The following LDB2 variants were observed in gnomAD, a reference collection of about 807,000 sequenced individuals.
LDB2 encodes the protein LIM domain-binding protein 2.
A neutral mutation model predicts 44.3 loss-of-function variants in LDB2; 12 were observed. The ratio of observed to expected loss-of-function variants is 0.27; its 90% CI spans 0.17 to 0.44. The LOEUF (loss-of-function observed/expected upper bound fraction) is 0.44, where lower values mean the gene tolerates loss of function less well. Ranked by LOEUF, LDB2 falls within the 20% of genes least tolerant of loss-of-function variation. The probability of loss-of-function intolerance (pLI) is 1.00; values close to 1 mark genes in which losing one functional copy is unlikely to be tolerated. For missense variants in LDB2, 344 were observed against 473.5 expected (o/e 0.73, Z 2.54); for synonymous variants, 164 against 174.8 (o/e 0.94, Z 0.49).
intron 1 of LDB2, among the ~76,000 whole-genome samples, chr4:16,774,720 C>A (rs954336372): frequency 6.6e-6 from 1 of 152,004 alleles, no homozygotes; most frequent in Non-Finnish European, 1.5e-5. Context: ...TATAATCTGG[C>A]CTCAGAACTC....
intron 2 of LDB2, among the ~76,000 whole-genome samples, chr4:16,722,779 T>C (rs1389250433): frequency 6.6e-6 from 1 of 152,140 alleles, no homozygotes; most frequent in African/African-American, 2.4e-5. Context: ...TATTTGTTTA[T>C]AAGAGGACAG....
intron 2 of LDB2, among the ~76,000 whole-genome samples, chr4:16,615,834 TG>T (rs1478450221): frequency 1.3e-5 from 2 of 151,998 alleles, no homozygotes; most frequent in Admixed American, 1.3e-4. Context: ...CTGCCAGGAG[TG>T]GGCCATGGGG....
intron 5 of LDB2, among the ~76,000 whole-genome samples, chr4:16,535,898 G>T (rs968726035): frequency 6.6e-6 from 1 of 152,170 alleles, no homozygotes. Context: ...TTGAACTTGT[G>T]TAAAAGGAAT....
chr4:16,648,287 C>T (rs762650440), intron 2 of LDB2, among the ~76,000 whole-genome samples: 1 of 152,110 alleles, frequency 6.6e-6, no homozygotes, highest in Admixed American at 6.5e-5. Context: ...CTTTGCACTC[C>T]GTCATCATAA....
chr4:16,737,447 T>A (rs1312712432), intron 2 of LDB2, among the ~76,000 whole-genome samples: 2 of 152,158 alleles, frequency 1.3e-5, no homozygotes, highest in Non-Finnish European at 2.9e-5. Flanking sequence ...TTTTGTGAAT[T>A]TATTCTAATA....
intron 2 of LDB2, among the ~76,000 whole-genome samples, chr4:16,724,110 C>G (rs1758919290): frequency 6.6e-6 from 1 of 152,000 alleles, no homozygotes; most frequent in Non-Finnish European, 1.5e-5. Flanking sequence ...TATTGTCATA[C>G]AAATATAGAA....
intron 2 of LDB2, among the ~76,000 whole-genome samples, chr4:16,713,749 C>A (rs1319673378): frequency 6.6e-6 from 1 of 152,206 alleles, no homozygotes; most frequent in African/African-American, 2.4e-5. Context: ...ATTTCATAGG[C>A]TGCCCTGGAA....
chr4:16,576,070 A>G (rs1748174426), intron 5 of LDB2, among the ~76,000 whole-genome samples: 1 of 152,216 alleles, frequency 6.6e-6, no homozygotes, highest in South Asian at 2.1e-4. Flanking sequence ...CATAACATAC[A>G]AAACCTATGG....
chr4:16,897,951 T>C (rs1238081245), intron 1 of LDB2, among the ~76,000 whole-genome samples: 20 of 38,552 alleles, frequency 5.2e-4, no homozygotes, highest in African/African-American at 2.7e-3. Context: ...CATATGTATA[T>C]ATATATATAT....
At chr4:16,700,751 G>A (rs1028737649) in intron 2 of LDB2, among the ~76,000 whole-genome samples, 16 of 152,176 alleles carry the variant, frequency 1.1e-4, no homozygotes, top group African/African-American at 3.9e-4. Context: ...GTGAGTGAAA[G>A]TGATCACCGC....
intron 1 of LDB2, among the ~76,000 whole-genome samples, chr4:16,766,847 C>G (rs1275974035): frequency 6.6e-6 from 1 of 152,104 alleles, no homozygotes; most frequent in Non-Finnish European, 1.5e-5. Context: ...AAGCTACATA[C>G]TAATGCACTG....
chr4:16,860,409 T>C (rs546281387), intron 1 of LDB2, among the ~76,000 whole-genome samples: 25 of 152,278 alleles, frequency 1.6e-4, no homozygotes, highest in African/African-American at 6.0e-4. Context: ...AGAGCAGATG[T>C]GCAATCTTCT....
chr4:16,736,103 C>T (rs1271518470), intron 2 of LDB2, among the ~76,000 whole-genome samples: 8 of 152,196 alleles, frequency 5.3e-5, no homozygotes, highest in Admixed American at 4.6e-4. Context: ...TCCTACACTC[C>T]TTCCCACCTC....
intron 5 of LDB2, among the ~76,000 whole-genome samples, chr4:16,553,544 GTTGT>G (rs759162982): frequency 7.4e-4 from 112 of 152,194 alleles, no homozygotes; most frequent in African/African-American, 2.1e-3. Flanking sequence ...GTTGTTGTTT[GTTGT>G]TTGTTTGTTT....
At chr4:16,569,226 C>T (rs775626677) in intron 5 of LDB2, among the ~76,000 whole-genome samples, 4 of 152,152 alleles carry the variant, frequency 2.6e-5, no homozygotes, top group East Asian at 1.9e-4. Context: ...CAAATACTTT[C>T]GAAAAATAAA....
At chr4:16,819,460 GAAAAAAAAA>G (rs369605183) in intron 1 of LDB2, among the ~76,000 whole-genome samples, 2 of 93,470 alleles carry the variant, frequency 2.1e-5, no homozygotes, top group East Asian at 6.1e-4. Flanking sequence ...CTGCACTCAG[GAAAAAAAAA>G]AAAAAAAAAA....
intron 2 of LDB2, among the ~76,000 whole-genome samples, chr4:16,744,801 G>C (rs540283127): frequency 6.6e-6 from 1 of 152,262 alleles, no homozygotes; most frequent in Non-Finnish European, 1.5e-5. Flanking sequence ...TGAAGAATTA[G>C]GAAACATTAA....
At chr4:16,836,795 G>A (rs1340726934) in intron 1 of LDB2, among the ~76,000 whole-genome samples, 1 of 152,202 alleles carries the variant, frequency 6.6e-6, no homozygotes, top group Non-Finnish European at 1.5e-5. Context: ...TGAGGTCACT[G>A]AGGCTCATAA....
intron 3 of LDB2, among the ~76,000 whole-genome samples, chr4:16,595,355 G>T (rs1295492048): frequency 6.6e-6 from 1 of 152,098 alleles, no homozygotes; most frequent in Non-Finnish European, 1.5e-5. Context: ...ATACAGTGCT[G>T]ACCACGCGAA....
Sources: gnomAD v4.1 joint callset for allele counts (sites outside exome capture counted in the v4.1 genomes callset) on GRCh38, gnomAD v4.1.1 for gene constraint, MANE v1.5 for transcripts, NCBI Gene and HGNC (gene_info 2026-07-23, HGNC 2026-07-21) for gene names.